The following EML5 variants were observed in gnomAD, a reference collection of about 807,000 sequenced individuals.
EML5 encodes EMAP like 5.
Under a neutral mutation model 250.0 loss-of-function variants are expected in EML5, and 120 were observed. The ratio of observed to expected loss-of-function variants is 0.48; its 90% CI spans 0.41 to 0.56. The LOEUF is 0.56. Among genes scored for constraint, EML5 ranks in the 20% least tolerant of loss-of-function variants. The pLI, the probability that EML5 is intolerant of heterozygous loss-of-function variation, is 0.00. For missense variants in EML5, 2,006 were observed against 2,437.6 expected, an observed-to-expected ratio of 0.82 and a Z score of 3.73; for synonymous variants, 771 against 806.5, an observed-to-expected ratio of 0.96 and a Z score of 0.75.
chr14:88,663,239 C>T (rs2092188846), intron 23 of EML5, 120 bp from the exon 24 acceptor site: 2 of 531,242 alleles, frequency 3.8e-6, no homozygotes, highest in African/African-American at 2.0e-5. Context: ...CCATTTTCTG[C>T]TGCAGTCAAC....
At chr14:88,705,674 G>A (rs942050441) in intron 11 of EML5, 86 bp from the exon 12 acceptor site, 13 of 961,928 alleles carry the variant, frequency 1.4e-5, no homozygotes, top group Non-Finnish European at 2.1e-5. Flanking sequence ...TAAGAGCTAT[G>A]TCAGTTGACA....
At chr14:88,700,845 CA>C (rs2093193408) in intron 14 of EML5, among the ~76,000 whole-genome samples, 2 of 152,112 alleles carry the variant, frequency 1.3e-5, no homozygotes, top group Admixed American at 1.3e-4. Context: ...ATAGGATAAC[CA>C]GGTAGTTTTA....
intron 2 of EML5, among the ~76,000 whole-genome samples, chr14:88,749,520 G>A (rs1006749477): frequency 2.6e-5 from 4 of 152,062 alleles, no homozygotes; most frequent in African/African-American, 9.7e-5. Flanking sequence ...AAATATGTAA[G>A]ATTTTTCTCA....
At chr14:88,671,853 T>C (rs2092470477) in intron 21 of EML5, among the ~76,000 whole-genome samples, 1 of 152,204 alleles carries the variant, frequency 6.6e-6, no homozygotes, top group African/African-American at 2.4e-5. Flanking sequence ...TAAAGCTAAC[T>C]ATCCTAAATA....
intron 4 of EML5, among the ~76,000 whole-genome samples, 175 bp from the exon 5 acceptor site, chr14:88,740,747 C>T (rs974530757): frequency 1.3e-5 from 2 of 152,154 alleles, no homozygotes; most frequent in African/African-American, 4.8e-5. Flanking sequence ...TCAAAAGCTA[C>T]GTTATAGCAT....
chr14:88,766,788 T>C (rs1417492229), intron 1 of EML5, among the ~76,000 whole-genome samples: 3 of 152,280 alleles, frequency 2.0e-5, no homozygotes, highest in East Asian at 3.9e-4. Flanking sequence ...CCTGCCAACA[T>C]GTGATGTCTC....
At chr14:88,778,188 T>C (rs1346408635) in intron 1 of EML5, among the ~76,000 whole-genome samples, 2 of 151,284 alleles carry the variant, frequency 1.3e-5, no homozygotes, top group African/African-American at 4.9e-5. Flanking sequence ...CCAGAGAACA[T>C]CACCTTAACT....
chr14:88,705,571 G>C lies in EML5; in HGVS notation c.1843C>G (p.His615Asp). The C allele has an allele frequency of 6.3e-7, 1 of 1,593,866 alleles. No homozygotes were observed. The change falls in exon 12 of 44, where the codon CAT (histidine) becomes GAT (aspartate). Residue 615 changes from histidine to aspartate, a missense_variant. Transcript: ENST00000554922. ...IAPQESLADS[H>D]SDESDSDLSD... ...AGATCTGAATCTGATTCATCACTATGAGAGTCAGCCAGACTTTCTGTAATT... is the reference window on the plus strand; with the variant it reads ...AGATCTGAATCTGATTCATCACTATCAGAGTCAGCCAGACTTTCTGTAATT...
chr14:88,784,789 C>T (rs554748159), intron 1 of EML5, among the ~76,000 whole-genome samples: 2 of 152,178 alleles, frequency 1.3e-5, no homozygotes, highest in East Asian at 3.9e-4. Context: ...TTGGAGGTTC[C>T]TCAAAAAACT....
At chr14:88,750,956 T>C (rs1595771678) in intron 2 of EML5, among the ~76,000 whole-genome samples, 2 of 152,254 alleles carry the variant, frequency 1.3e-5, no homozygotes, top group South Asian at 2.1e-4. Context: ...TTTCTACTAA[T>C]GTCTCCTCTG....
intron 1 of EML5, among the ~76,000 whole-genome samples, chr14:88,784,757 T>C (rs1246259251): frequency 1.3e-5 from 2 of 152,180 alleles, no homozygotes; most frequent in African/African-American, 4.8e-5. Context: ...TGTAAATTTG[T>C]ACAACCACTA....
chr14:88,684,080 C>G (rs1046623847), intron 20 of EML5, among the ~76,000 whole-genome samples: 1 of 151,514 alleles, frequency 6.6e-6, no homozygotes. Flanking sequence ...CATTATAAAA[C>G]TATCAGAACT....
chr14:88,688,415 C>G lies in EML5; in HGVS notation c.2598G>C (p.Met866Ile), dbSNP rs754832886. Residue 866 changes from methionine (M) to isoleucine (I), a missense_variant, in exon 18 of 44, where the codon ATG (methionine) becomes ATC (isoleucine). This residue lies in a region of EML5 where 1,375 missense variants were observed against 1,590.3 expected (regional missense o/e 0.86). Transcript: ENST00000554922. Reference sequence around the variant, plus strand: ...CAGTCCATCCATACACTGCACACATCATTGTGTCATTTTTCCCCAGTGTGC... The same window carrying G: ...CAGTCCATCCATACACTGCACACATGATTGTGTCATTTTTCCCCAGTGTGC... ...YIGTLGKNDTMMCAVYGWTEE... is the reference protein window; with the variant it reads ...YIGTLGKNDTIMCAVYGWTEE... The G allele has an allele frequency of 1.9e-6, 3 of 1,614,002 alleles. No homozygotes were observed. The highest frequency in any genetic ancestry group is 2.5e-6 in the Non-Finnish European group (3 of 1,179,886).
chr14:88,644,700 A>C, intron 29 of EML5, 189 bp from the exon 30 acceptor site: 1 of 484,188 alleles, frequency 2.1e-6, no homozygotes, highest in Non-Finnish European at 3.7e-6. Flanking sequence ...AAATATTACA[A>C]CTTTTATTCA....
intron 1 of EML5, among the ~76,000 whole-genome samples, chr14:88,786,529 A>C (rs1353304279): frequency 6.6e-6 from 1 of 152,254 alleles, no homozygotes; most frequent in African/African-American, 2.4e-5. Flanking sequence ...AAGGGTCTTA[A>C]GAAGGTGTAA....
chr14:88,727,753 T>C (rs1285167077), intron 7 of EML5, among the ~76,000 whole-genome samples: 1 of 152,164 alleles, frequency 6.6e-6, no homozygotes, highest in Non-Finnish European at 1.5e-5. Context: ...TTTAGATAGG[T>C]TATTTCTACC....
chr14:88,785,364 A>G (rs2094541394), intron 1 of EML5, among the ~76,000 whole-genome samples: 1 of 152,220 alleles, frequency 6.6e-6, no homozygotes, highest in African/African-American at 2.4e-5. Context: ...CAAAGGATAA[A>G]GCCTTGAGGG....
chr14:88,615,998 G>T, intron 43 of EML5, 144 bp from the exon 44 acceptor site: 1 of 1,272,226 alleles, frequency 7.9e-7, no homozygotes, highest in South Asian at 1.4e-5. Flanking sequence ...GCATAAATAT[G>T]AGATTCTGAA....
chr14:88,656,216 T>C (rs74723895), intron 27 of EML5, among the ~76,000 whole-genome samples: 2 of 152,064 alleles, frequency 1.3e-5, no homozygotes, highest in Non-Finnish European at 2.9e-5. Flanking sequence ...TGGAACCAAC[T>C]CAAATGTCCA....
Sources: allele counts gnomAD v4.1 joint callset (sites outside exome capture counted in the v4.1 genomes callset), GRCh38; gene constraint gnomAD v4.1.1; regional missense constraint gnomAD v4.1.1; transcripts MANE v1.5; gene names NCBI Gene and HGNC (gene_info 2026-07-23, HGNC 2026-07-21).